Variants in DBN1 observed in about 807,000 individuals in gnomAD.
DBN1 encodes drebrin.
A neutral mutation model predicts 83.5 loss-of-function variants in DBN1; 21 were observed. The observed-to-expected ratio is 0.25, with a 90% CI of 0.18 to 0.36. DBN1 has a LOEUF of 0.36. Ranked by LOEUF, DBN1 falls within the 10% of genes least tolerant of loss-of-function variation. The pLI is 1.00. For missense variants in DBN1, 874 were observed against 935.7 expected, an observed-to-expected ratio of 0.93 and a Z score of 0.86; for synonymous variants, 381 against 384.9, an observed-to-expected ratio of 0.99 and a Z score of 0.12.
intron 2 of DBN1, 119 bp downstream of exon 2, chr5:177,468,725 G>A: frequency 3.4e-6 from 2 of 596,280 alleles, no homozygotes; most frequent in Non-Finnish European, 5.4e-6. Flanking sequence ...GCCAGATCCA[G>A]ACAAGTGTGG....
At chr5:177,462,200 C>T in intron 8 of DBN1, 2 of 985,174 alleles carry the variant, frequency 2.0e-6, no homozygotes, top group Non-Finnish European at 2.4e-6. Flanking sequence ...ACACCACCCC[C>T]TGCCGGCCCC....
rs781735392 is a variant in DBN1 at position 177,472,114 on chromosome 5, C to G, written c.86+1322G>C. The G allele has an allele frequency of 2.5e-6, 4 of 1,606,622 alleles. No homozygotes were observed. In the Admixed American group the frequency reaches 5.1e-5, roughly 20 times the overall value. On this transcript the variant is annotated intron_variant, in intron 1 of 14. Coordinates refer to ENST00000393565, the MANE Select transcript of DBN1 (RefSeq NM_001363541.2). ...GAGCCTGTGCCGGCCTCTCCTGTGACTGACCTGCAGGACACGAGAGCTTGT... is the reference window on the plus strand; with the variant it reads ...GAGCCTGTGCCGGCCTCTCCTGTGAGTGACCTGCAGGACACGAGAGCTTGT...
At chr5:177,460,332 G>A in intron 10 of DBN1, 100 bp downstream of exon 10, 2 of 1,561,440 alleles carry the variant, frequency 1.3e-6, no homozygotes, top group Admixed American at 3.4e-5. Context: ...CCTTCTCCAA[G>A]GGTTGCTTGG....
chr5:177,461,951 G>A (rs569374745), intron 8 of DBN1, among the ~76,000 whole-genome samples: 6 of 152,320 alleles, frequency 3.9e-5, no homozygotes, highest in East Asian at 3.9e-4. Flanking sequence ...ATACTGAGAT[G>A]AGGGTCCCAG....
At chr5:177,462,654 T>C (rs769323263) in intron 8 of DBN1, among the ~76,000 whole-genome samples, 14 of 152,144 alleles carry the variant, frequency 9.2e-5, no homozygotes, top group Non-Finnish European at 2.1e-4. Flanking sequence ...CCCCTGCTGC[T>C]CAGGTGGCAG....
Position 177,473,557 on chromosome 5 carries a change from C to G in DBN1, c.-36G>C. 8.1e-7 allele frequency: 1 copy of G among 1,227,486 alleles called. No homozygotes were observed. The highest frequency in any genetic ancestry group is 1.0e-6 in the Non-Finnish European group (1 of 962,538). 76.0% of individuals were successfully genotyped at this position (1,227,486 alleles called of 1,614,324 possible). ...GGACCGGGCCGAACGGACAGACGCG[C>G]GGACGGACGGGCGGACGGAGGAGGA... On this transcript the variant is annotated 5_prime_UTR_variant, in exon 1 of 15. Coordinates refer to ENST00000393565, the MANE Select transcript of DBN1 (RefSeq NM_001363541.2).
chr5:177,459,888 G>A (rs917679147), intron 10 of DBN1, 148 bp from the exon 11 acceptor site: 8 of 885,656 alleles, frequency 9.0e-6, no homozygotes, highest in East Asian at 2.9e-5. Context: ...CAAGCCAGCC[G>A]CAGCCTCACA....
At chr5:177,471,655 T>C (rs997952693) in intron 1 of DBN1, among the ~76,000 whole-genome samples, 2 of 152,178 alleles carry the variant, frequency 1.3e-5, no homozygotes, top group Non-Finnish European at 2.9e-5. Context: ...CAAAATGTTA[T>C]CTGGGCCCTT....
intron 11 of DBN1, 125 bp from the exon 12 acceptor site, chr5:177,459,393 C>G: frequency 1.4e-6 from 2 of 1,459,062 alleles, no homozygotes; most frequent in African/African-American, 1.4e-5. Context: ...GCTCTCCAGC[C>G]CCACCAGGGG....
At chr5:177,471,515 A>C (rs1757839681) in intron 1 of DBN1, among the ~76,000 whole-genome samples, 1 of 150,634 alleles carries the variant, frequency 6.6e-6, no homozygotes, top group African/African-American at 2.5e-5. Context: ...TACCCAAGAC[A>C]CCCCTCCCTC....
chr5:177,473,385 G>C (rs1757991368), intron 1 of DBN1, 51 bp downstream of exon 1: 2 of 1,091,930 alleles, frequency 1.8e-6, no homozygotes, highest in African/African-American at 3.3e-5. Context: ...AAACAAAGGC[G>C]CGGCGGCGGC....
chr5:177,457,707 C>T lies in DBN1; in HGVS notation c.1965G>A (p.Ser655=), dbSNP rs1561675077. Residue 655 remains serine (S), a synonymous_variant, in exon 14 of 15, where the codon TCG becomes TCA. Coordinates refer to ENST00000393565, the MANE Select transcript of DBN1 (RefSeq NM_001363541.2). The stretch of plus-strand genomic sequence containing the variant: ...GCGGAGCCTTGGCACAGAGCTCTTC[C>T]GATTGGGCAAACTCCTCCTCCTGTG... ...SQSQEEEFAQ[S]EELCAKAPPP... is the part of the protein sequence containing the mutation. The T allele has an allele frequency of 2.5e-6, 4 of 1,612,846 alleles. No homozygotes were observed. Among genetic ancestry groups the T allele is most frequent in the Non-Finnish European group, 3.4e-6 (4 of 1,178,960 alleles).
At chr5:177,461,378 G>A (rs1402160996) in intron 8 of DBN1, among the ~76,000 whole-genome samples, 1 of 151,698 alleles carries the variant, frequency 6.6e-6, no homozygotes, top group South Asian at 2.1e-4. Context: ...GATTACAGGC[G>A]TGAGCCACCG....
intron 2 of DBN1, chr5:177,468,557 C>T (rs1004526346): frequency 4.9e-5 from 22 of 453,078 alleles, no homozygotes; most frequent in African/African-American, 2.3e-4. Flanking sequence ...CTGGGGAAGG[C>T]GGTGAATAGG....
chr5:177,472,497 G>A (rs1757923427), intron 1 of DBN1: 1 of 1,044,118 alleles, frequency 9.6e-7, no homozygotes, highest in South Asian at 2.0e-5. Flanking sequence ...GCCAGCCCCA[G>A]AGCAGGTGGT....
chr5:177,468,381 G>C (rs1293706077), intron 2 of DBN1, among the ~76,000 whole-genome samples, 161 bp from the exon 3 acceptor site: 3 of 152,204 alleles, frequency 2.0e-5, no homozygotes, highest in Non-Finnish European at 1.5e-5. Flanking sequence ...GGTATGTGTG[G>C]GGGTGGTGGC....
At position 177,457,470 on chromosome 5, in the gene DBN1, A is replaced by T; in HGVS notation, c.2051T>A (p.Val684Asp). 3.7e-6 allele frequency: 6 copies of T among 1,614,178 alleles called. No homozygotes were observed. The highest frequency in any genetic ancestry group is 5.1e-6 in the Non-Finnish European group (6 of 1,180,010). ...CTCGAAGCCCTCCTCCTCTTCTGGA[A>T]CTGGGTCTGCATCCCAGCATGTGAT... ...IDITCWDADP[V>D]PEEEEGFEGG... The change falls in exon 15 of 15, where the codon GTT (valine) becomes GAT (aspartate). Residue 684 changes from valine (V) to aspartate (D), a missense_variant. Transcript: ENST00000393565.
Position 177,471,994 on chromosome 5 carries a change from T to G in DBN1, c.86+1442A>C, listed in dbSNP as rs564988659. The G allele has an allele frequency of 5.4e-5, 60 of 1,116,688 alleles. 1 individual carries two copies. In the South Asian group the frequency reaches 9.9e-4, roughly 18 times the overall value. The allele number at this position is 1,116,688 out of a possible 1,614,324, so 69.2% of individuals were successfully genotyped here. On this transcript the variant is annotated intron_variant, in intron 1 of 14. Coordinates refer to ENST00000393565, the MANE Select transcript of DBN1 (RefSeq NM_001363541.2). ...GGGCCTTATCCCAAAGCCAGCTCCT[T>G]CACCAGGCCAAGCCGGCCACTTGCC...
intron 2 of DBN1, 50 bp from the exon 3 acceptor site, chr5:177,468,270 C>T: frequency 6.6e-7 from 1 of 1,525,622 alleles, no homozygotes; most frequent in Non-Finnish European, 9.1e-7. Context: ...AAACCCTTCC[C>T]AAAAAGAGCC....
Sources: gnomAD v4.1 joint callset for allele counts (sites outside exome capture counted in the v4.1 genomes callset) on GRCh38, gnomAD v4.1.1 for gene constraint, MANE v1.5 for transcripts, NCBI Gene and HGNC (gene_info 2026-07-23, HGNC 2026-07-21) for gene names.